PECR: variants seen among roughly 807,000 people sequenced by gnomAD.
PECR encodes the protein 2,4-dienoyl-CoA reductase-related protein.
Under a neutral mutation model 35.3 loss-of-function variants are expected in PECR, and 30 were observed. The ratio of observed to expected loss-of-function variants is 0.85; its 90% confidence interval spans 0.64 to 1.15. PECR has a LOEUF of 1.15. PECR is among the 50% of genes most tolerant of loss of function. PECR has a pLI of 0.00. For missense variants in PECR, 392 were observed against 370.8 expected, an observed-to-expected ratio of 1.06 and a Z score of -0.47; for synonymous variants, 148 against 138.9, an observed-to-expected ratio of 1.07 and a Z score of -0.46.
intron 7 of PECR, among the ~76,000 whole-genome samples, chr2:216,040,433 T>C (rs543565491): frequency 6.6e-6 from 1 of 152,146 alleles, no homozygotes; most frequent in Non-Finnish European, 1.5e-5. Flanking sequence ...TTTAAATGTT[T>C]TGTTGAGACG....
intron 4 of PECR, among the ~76,000 whole-genome samples, chr2:216,055,134 CTT>C (rs1392096132): frequency 7.2e-6 from 1 of 138,734 alleles, no homozygotes; most frequent in Admixed American, 7.1e-5. Context: ...AAAAAAGACA[CTT>C]AATGTAAAAA....
intron 4 of PECR, among the ~76,000 whole-genome samples, chr2:216,054,862 C>T (rs1695193147): frequency 6.6e-6 from 1 of 151,968 alleles, no homozygotes; most frequent in Admixed American, 6.6e-5. Context: ...CCTGTAATCC[C>T]AGCACTCTGG....
At chr2:216,044,202 G>T (rs939262899) in intron 6 of PECR, among the ~76,000 whole-genome samples, 187 bp from the exon 7 acceptor site, 1 of 152,118 alleles carries the variant, frequency 6.6e-6, no homozygotes, top group Non-Finnish European at 1.5e-5. Flanking sequence ...CTTTCTACCT[G>T]AGCATCACCG....
intron 1 of PECR, among the ~76,000 whole-genome samples, chr2:216,069,909 C>A (rs1695553116): frequency 6.9e-6 from 1 of 145,056 alleles, no homozygotes; most frequent in South Asian, 2.2e-4. Context: ...GCACCCCAGC[C>A]TGGGTGACAA....
At chr2:216,054,307 AAAAG>A (rs1372267067) in intron 4 of PECR, among the ~76,000 whole-genome samples, 70 of 151,066 alleles carry the variant, frequency 4.6e-4, no homozygotes, top group Non-Finnish European at 6.9e-4. Context: ...AGAAAAAAAA[AAAAG>A]AAAAGTAGGA....
At chr2:216,067,551 T>TTTATTC (rs1300636743) in intron 1 of PECR, among the ~76,000 whole-genome samples, 1 of 151,630 alleles carries the variant, frequency 6.6e-6, no homozygotes, top group Non-Finnish European at 1.5e-5. Flanking sequence ...TATATACATA[T>TTTATTC]TTTTTCTTTT....
At chr2:216,063,062 T>A (rs1324907784) in intron 3 of PECR, among the ~76,000 whole-genome samples, 1 of 152,248 alleles carries the variant, frequency 6.6e-6, no homozygotes, top group Admixed American at 6.5e-5. Context: ...TTTTTCAGAA[T>A]CATTTCTATT....
At chr2:216,037,109 G>C (rs1017285885), downstream of PECR, among the ~76,000 whole-genome samples, 14 of 152,150 alleles carry the variant, frequency 9.2e-5, no homozygotes, top group Non-Finnish European at 1.6e-4. Context: ...CATAGTAGGT[G>C]CTCCAAATTA....
chr2:216,049,625 A>C (rs1200314163), intron 5 of PECR, among the ~76,000 whole-genome samples: 1 of 152,150 alleles, frequency 6.6e-6, no homozygotes, highest in East Asian at 1.9e-4. Flanking sequence ...TTTTCATGAA[A>C]GACTTGTTTT....
intron 3 of PECR, among the ~76,000 whole-genome samples, chr2:216,061,311 C>CAAAAAA (rs56791924): frequency 1.1e-4 from 5 of 44,954 alleles, no homozygotes; most frequent in African/African-American, 2.8e-4. Context: ...AACCCTGTCT[C>CAAAAAA]AAAAAAAAAA....
chr2:216,033,653 G>T (rs571748399), downstream of PECR: 1 of 152,472 alleles, frequency 6.6e-6, no homozygotes, highest in South Asian at 2.1e-4. Flanking sequence ...AAGTCTGAAG[G>T]CTGCAGACAA....
chr2:216,034,531 C>G (rs1320534947), downstream of PECR, among the ~76,000 whole-genome samples: 1 of 152,120 alleles, frequency 6.6e-6, no homozygotes, highest in East Asian at 1.9e-4. Flanking sequence ...CTACCCAATT[C>G]CCTTCCTCCT....
intron 7 of PECR, among the ~76,000 whole-genome samples, chr2:216,041,631 C>T (rs978006016): frequency 6.6e-6 from 1 of 152,144 alleles, no homozygotes; most frequent in Non-Finnish European, 1.5e-5. Flanking sequence ...TGATGGCTGG[C>T]AGCCCCTAGT....
At chr2:216,052,635 C>T (rs189296625) in intron 4 of PECR, among the ~76,000 whole-genome samples, 37 of 152,286 alleles carry the variant, frequency 2.4e-4, no homozygotes, top group Admixed American at 2.1e-3. Context: ...AAGACTTTCT[C>T]TTTAGCACTG....
intron 6 of PECR, among the ~76,000 whole-genome samples, chr2:216,048,406 T>C (rs986583458): frequency 9.6e-5 from 14 of 145,320 alleles, no homozygotes; most frequent in Non-Finnish European, 2.0e-4. Flanking sequence ...AAAAAAAAAA[T>C]TGCATTTCAA....
intron 3 of PECR, among the ~76,000 whole-genome samples, chr2:216,061,112 G>C (rs1451262212): frequency 4.3e-5 from 6 of 139,416 alleles, no homozygotes; most frequent in East Asian, 2.0e-4. Flanking sequence ...GGCAACAAGG[G>C]GAGACCCCGG....
intron 3 of PECR, among the ~76,000 whole-genome samples, chr2:216,064,762 C>T (rs1204597490): frequency 6.6e-6 from 1 of 152,132 alleles, no homozygotes; most frequent in Non-Finnish European, 1.5e-5. Flanking sequence ...CATGAAGACC[C>T]TTTGAGATAG....
chr2:216,038,148 C>T (rs577541858), downstream of PECR, among the ~76,000 whole-genome samples: 27 of 152,088 alleles, frequency 1.8e-4, no homozygotes, highest in Admixed American at 2.6e-4. Context: ...AAAATAGCTA[C>T]TTCACCTCAG....
At chr2:216,058,818 A>AT (rs1220644236) in intron 4 of PECR, 77 bp downstream of exon 4, 2 of 797,372 alleles carry the variant, frequency 2.5e-6, no homozygotes, top group African/African-American at 3.4e-5. Context: ...GATTTAAGAA[A>AT]TGTTCCCTAA....
Sources: allele counts gnomAD v4.1 joint callset (sites outside exome capture counted in the v4.1 genomes callset), GRCh38; gene constraint gnomAD v4.1.1; transcripts MANE v1.5; gene names NCBI Gene and HGNC (gene_info 2026-07-23, HGNC 2026-07-21).